Variants in RBFOX1 observed in about 807,000 individuals in gnomAD.
RBFOX1 encodes RNA binding protein fox-1 homolog 1.
RBFOX1 carries 8 observed loss-of-function variants against 57.7 expected under a neutral mutation model. That is an observed-to-expected ratio of 0.14 (90% confidence interval 0.08 to 0.25). The LOEUF (loss-of-function observed/expected upper bound fraction) is 0.25, where lower values mean the gene tolerates loss of function less well. Among genes scored for constraint, RBFOX1 ranks in the 10% least tolerant of loss-of-function variants. The probability of loss-of-function intolerance (pLI) is 1.00; values close to 1 mark genes in which losing one functional copy is unlikely to be tolerated. For missense variants in RBFOX1, 611 were observed against 548.5 expected (o/e 1.11, Z -1.14); for synonymous variants, 326 against 222.4 (o/e 1.47, Z -4.15).
At chr16:6,927,418 A>AAAAAAAAAAAAAAAAAAAAAAAAAAG (rs2075795412) in intron 3 of RBFOX1, among the ~76,000 whole-genome samples, 1 of 148,338 alleles carries the variant, frequency 6.7e-6, no homozygotes, top group African/African-American at 2.5e-5. Context: ...TTCTCACAAA[A>AAAAAAAAAAAAAAAAAAAAAAAAAAG]AAAAAAAAAA....
chr16:7,518,501 G>C, intron 5 of RBFOX1, 112 bp downstream of exon 5: 2 of 1,415,692 alleles, frequency 1.4e-6, no homozygotes, highest in East Asian at 2.4e-5. Context: ...AAACAGATCA[G>C]TCCCTAAGCC....
rs538762620 is a variant in RBFOX1 at position 6,089,333 on chromosome 16, C to T, written c.-127+69341C>T. ...GGATAGATGAACATGCATTAGGAGA[C>T]ATCAGTTCTGGTCAGAGGAAACAGC... is the stretch of plus-strand genomic sequence containing the variant. On this transcript the variant is annotated intron_variant, in intron 1 of 15. Coordinates refer to ENST00000550418, the MANE Select transcript of RBFOX1 (RefSeq NM_018723.4). Among the ~76,000 whole-genome samples, 4 of 152,080 alleles carry T rather than the reference C, an allele frequency of 2.6e-5. No homozygotes were observed. The East Asian group carries it at 7.7e-4, about 29-fold the overall frequency.
At chr16:7,169,956 C>T (rs148657481) in intron 4 of RBFOX1, among the ~76,000 whole-genome samples, 4 of 152,084 alleles carry the variant, frequency 2.6e-5, no homozygotes, top group African/African-American at 9.6e-5. Flanking sequence ...GCCTGTGGTC[C>T]CAGCTACTTG....
At chr16:6,362,837 T>G (rs922244343) in intron 2 of RBFOX1, among the ~76,000 whole-genome samples, 1 of 152,206 alleles carries the variant, frequency 6.6e-6, no homozygotes, top group Non-Finnish European at 1.5e-5. Flanking sequence ...CACCCTCGAA[T>G]TCGAGGAAGG....
At chr16:6,914,576 C>G (rs2072620818) in intron 3 of RBFOX1, among the ~76,000 whole-genome samples, 1 of 151,624 alleles carries the variant, frequency 6.6e-6, no homozygotes, top group African/African-American at 2.4e-5. Context: ...AAAAAAAAAC[C>G]CAAAACAGGG....
intron 2 of RBFOX1, among the ~76,000 whole-genome samples, chr16:6,450,274 C>A (rs2153042687): frequency 6.6e-6 from 1 of 152,252 alleles, no homozygotes; most frequent in South Asian, 2.1e-4. Context: ...GCTCCCACAT[C>A]ACGAGTTGTG....
chr16:5,731,587 T>G lies in RBFOX1; in HGVS notation c.318+132626T>G, dbSNP rs182730105. On this transcript the variant is annotated intron_variant, in intron 3 of 19. Transcript: ENST00000641259. Reference sequence around the variant, plus strand: ...CTCTTGCTTCTGAGATTAGCAAATATAGCTCAAGAATGTGGGCATGAACTA... The same window carrying G: ...CTCTTGCTTCTGAGATTAGCAAATAGAGCTCAAGAATGTGGGCATGAACTA... Among the ~76,000 whole-genome samples, 3 of 152,302 alleles carry G rather than the reference T, an allele frequency of 2.0e-5. No individual in the cohort carries two copies. In the East Asian group the frequency reaches 5.8e-4, roughly 29 times the overall value.
intron 4 of RBFOX1, among the ~76,000 whole-genome samples, chr16:7,398,983 G>T (rs1296955145): frequency 6.6e-6 from 1 of 152,158 alleles, no homozygotes; most frequent in Non-Finnish European, 1.5e-5. Flanking sequence ...TTGATGTCAA[G>T]GTGTCAACGG....
At chr16:6,900,275 T>G (rs2068123909) in intron 3 of RBFOX1, among the ~76,000 whole-genome samples, 1 of 152,208 alleles carries the variant, frequency 6.6e-6, no homozygotes, top group South Asian at 2.1e-4. Flanking sequence ...TCAATATGTG[T>G]ATTTCTCTGT....
At chr16:6,566,906 T>G (rs74396349) in intron 2 of RBFOX1, among the ~76,000 whole-genome samples, 34 of 152,326 alleles carry the variant, frequency 2.2e-4, no homozygotes, top group Non-Finnish European at 3.1e-4. Context: ...TTTTGGCAAG[T>G]CTTTGAACAT....
chr16:6,470,554 C>T (rs866211292), intron 2 of RBFOX1, among the ~76,000 whole-genome samples: 1 of 152,306 alleles, frequency 6.6e-6, no homozygotes, highest in Non-Finnish European at 1.5e-5. Flanking sequence ...TTCCAGTTGG[C>T]CTTTAGCCAC....
intron 3 of RBFOX1, among the ~76,000 whole-genome samples, chr16:6,707,098 A>G (rs1040614286): frequency 5.9e-5 from 9 of 152,198 alleles, no homozygotes; most frequent in African/African-American, 1.2e-4. Context: ...TTCCATGCAC[A>G]CACACATTTC....
intron 3 of RBFOX1, among the ~76,000 whole-genome samples, chr16:6,749,841 T>C (rs2074563350): frequency 6.6e-6 from 1 of 152,224 alleles, no homozygotes; most frequent in Non-Finnish European, 1.5e-5. Context: ...GCTTTCTGTT[T>C]CCCTTGAAAT....
chr16:7,048,872 T>C (rs1568534757), intron 3 of RBFOX1, among the ~76,000 whole-genome samples: 1 of 152,224 alleles, frequency 6.6e-6, no homozygotes, highest in Non-Finnish European at 1.5e-5. Context: ...ATTTTTGTTT[T>C]AATAAGCAAT....
rs1377171198 is a variant in RBFOX1, at chr16:7,587,301, G to GTA, written c.468+2_468+3dup. The GTA allele has an allele frequency of 6.4e-7, 1 of 1,551,864 alleles. No homozygotes were observed. The highest frequency in any genetic ancestry group is 1.3e-5 in the South Asian group (1 of 79,038). On this transcript the variant is annotated splice_donor_variant, in intron 7 of 15. Coordinates refer to ENST00000550418, the MANE Select transcript of RBFOX1 (RefSeq NM_018723.4). LOFTEE classifies it high-confidence loss of function. ...TATTTTTAATGAGCGAGGCTCAAAGGTAAGCAACTTAATTCACTTTAGAAT... is the reference window on the plus strand; with the variant it reads ...TATTTTTAATGAGCGAGGCTCAAAGGTATAAGCAACTTAATTCACTTTAGAAT...
At chr16:7,653,970 T>C in intron 12 of RBFOX1, 23 bp downstream of exon 12, 1 of 1,475,150 alleles carries the variant, frequency 6.8e-7, no homozygotes, top group Admixed American at 2.4e-5. Flanking sequence ...GCCTCCTGGG[T>C]GGGCCTCCCT....
At chr16:7,015,697 T>G (rs2093876428) in intron 3 of RBFOX1, among the ~76,000 whole-genome samples, 1 of 152,224 alleles carries the variant, frequency 6.6e-6, no homozygotes, top group Non-Finnish European at 1.5e-5. Context: ...ACTAGCGGTC[T>G]AGTTATTCAC....
chr16:7,688,223 G>A (rs1036133437), intron 14 of RBFOX1, among the ~76,000 whole-genome samples: 36 of 5,552 alleles, frequency 6.5e-3, no homozygotes, highest in Middle Eastern at 0.12. Context: ...AGGTTTAAAT[G>A]TGTGTGTGTG....
At chr16:6,921,069 G>C (rs1040559053) in intron 3 of RBFOX1, among the ~76,000 whole-genome samples, 1 of 152,072 alleles carries the variant, frequency 6.6e-6, no homozygotes, top group African/African-American at 2.4e-5. Context: ...AGCAGGTGTT[G>C]GTTTGAGCTC....
Sources: gnomAD v4.1 joint callset for allele counts (sites outside exome capture counted in the v4.1 genomes callset) on GRCh38, gnomAD v4.1.1 for gene constraint, MANE v1.5 for transcripts, NCBI Gene and HGNC (gene_info 2026-07-23, HGNC 2026-07-21) for gene names.